Variants in PTPRT observed in about 807,000 individuals in gnomAD.
The protein encoded by PTPRT is protein tyrosine phosphatase receptor type T.
A neutral mutation model predicts 176.8 loss-of-function variants in PTPRT; 56 were observed. The observed-to-expected ratio is 0.32, with a 90% CI of 0.26 to 0.40. The LOEUF is 0.40. Among genes scored for constraint, PTPRT ranks in the 10% least tolerant of loss-of-function variants. The pLI is 1.00. For missense variants in PTPRT, 1,540 were observed against 1,908.2 expected, an observed-to-expected ratio of 0.81 and a Z score of 3.60; for synonymous variants, 783 against 739.0, an observed-to-expected ratio of 1.06 and a Z score of -0.96.
rs146534222 is a variant in PTPRT at position 42,484,870 on chromosome 20, C to A, written c.1154-12308G>T. Among the ~76,000 whole-genome samples, 317 of 152,310 alleles carry A rather than the reference C, an allele frequency of 2.1e-3. 2 individuals carry two copies. The highest frequency in any genetic ancestry group is 0.01 in the Middle Eastern group (3 of 294). On this transcript the variant is annotated intron_variant, in intron 7 of 30. Coordinates refer to ENST00000373187, the MANE Select transcript of PTPRT (RefSeq NM_007050.6). The stretch of plus-strand genomic sequence containing the variant: ...CCAGTATTCCACTCAGCCTAGGCAC[C>A]TCATGCCCAGAAATCTGATGTCCTC...
chr20:42,404,118 G>A (rs2058936419), intron 9 of PTPRT, among the ~76,000 whole-genome samples: 1 of 152,150 alleles, frequency 6.6e-6, no homozygotes, highest in Admixed American at 6.6e-5. Context: ...ATTCACCAAA[G>A]CTAATTCTTC....
rs1194960135 is a variant in PTPRT, at chr20:43,189,633, C to A, written c.88+13G>T. Reference sequence around the variant, plus strand: ...GAGCGGGGAGCCCAGGGGAGCCGGGCGGGCGCACTCACCTGCGGCGCTCTG... The same window carrying A: ...GAGCGGGGAGCCCAGGGGAGCCGGGAGGGCGCACTCACCTGCGGCGCTCTG... On this transcript the variant is annotated intron_variant, in intron 1 of 30. Transcript: ENST00000373187. The surrounding 1 kb of genome is among the most constrained non-coding windows in gnomAD (Gnocchi z 5.0). 8.0e-7 allele frequency: 1 copy of A among 1,247,930 alleles called. No homozygotes were observed. The highest frequency in any genetic ancestry group is 1.0e-6 in the Non-Finnish European group (1 of 996,202). 77.3% of individuals were successfully genotyped at this position (1,247,930 alleles called of 1,614,324 possible).
the PTPRT span, among the ~76,000 whole-genome samples, chr20:42,043,000 T>C: frequency 2.0e-5 from 3 of 152,372 alleles, no homozygotes; most frequent in East Asian, 5.8e-4. Flanking sequence ...GAGAGACTGA[T>C]GTGTGCCCTC....
At chr20:43,013,601 C>A (rs1041111418) in intron 1 of PTPRT, among the ~76,000 whole-genome samples, 3 of 152,116 alleles carry the variant, frequency 2.0e-5, no homozygotes, top group Non-Finnish European at 4.4e-5. Flanking sequence ...AGTCTGTGGA[C>A]CCTCTAGGGA....
At chr20:42,554,171 A>T (rs1311826778) in intron 7 of PTPRT, among the ~76,000 whole-genome samples, 1 of 152,030 alleles carries the variant, frequency 6.6e-6, no homozygotes, top group African/African-American at 2.4e-5. Flanking sequence ...CAACTGAGCA[A>T]TTCTCCCTCT....
chr20:42,133,790 G>A (rs1424568183), intron 18 of PTPRT, among the ~76,000 whole-genome samples: 1 of 152,182 alleles, frequency 6.6e-6, no homozygotes, highest in Non-Finnish European at 1.5e-5. Context: ...GTGGGAGGGA[G>A]TACATGGGAA....
intron 16 of PTPRT, among the ~76,000 whole-genome samples, chr20:42,187,809 C>T (rs1422901873): frequency 2.0e-5 from 3 of 152,214 alleles, no homozygotes; most frequent in African/African-American, 7.2e-5. Context: ...CCATTTATAG[C>T]CCACTGTTTT....
intron 1 of PTPRT, among the ~76,000 whole-genome samples, chr20:43,181,935 C>T (rs1003699609): frequency 3.3e-5 from 5 of 152,234 alleles, no homozygotes; most frequent in Admixed American, 3.3e-4. Flanking sequence ...CTTCCAATAG[C>T]CAAACTGATC....
At chr20:42,682,552 G>T (rs746482335) in intron 6 of PTPRT, among the ~76,000 whole-genome samples, 8 of 152,188 alleles carry the variant, frequency 5.3e-5, no homozygotes, top group Non-Finnish European at 1.0e-4. Context: ...GCAAAGCCAG[G>T]AGTAAGTGTT....
intron 5 of PTPRT, among the ~76,000 whole-genome samples, chr20:42,761,541 T>A (rs2076916025): frequency 6.6e-6 from 1 of 152,268 alleles, no homozygotes; most frequent in Admixed American, 6.5e-5. Context: ...AGGCCATTTT[T>A]GTTTTAACAA....
intron 16 of PTPRT, among the ~76,000 whole-genome samples, chr20:42,184,614 T>TCTCCTCCTCCTC (rs1555798026): frequency 7.0e-6 from 1 of 142,570 alleles, no homozygotes; most frequent in Admixed American, 7.0e-5. Context: ...TTCTTCTTCT[T>TCTCCTCCTCCTC]CTCCTCCTTC....
chr20:42,136,232 CTTTTT>C (rs397864699), intron 18 of PTPRT, among the ~76,000 whole-genome samples: 33 of 63,048 alleles, frequency 5.2e-4, no homozygotes, highest in African/African-American at 2.0e-3. Flanking sequence ...AAGAACAGTG[CTTTTT>C]TTTTTTTTTT....
chr20:42,220,680 AAT>A (rs1217792788), intron 15 of PTPRT, among the ~76,000 whole-genome samples: 1 of 96,592 alleles, frequency 1.0e-5, no homozygotes, highest in Non-Finnish European at 2.3e-5. Flanking sequence ...ACATTGTTTA[AAT>A]AAAGTTTTTT....
intron 2 of PTPRT, among the ~76,000 whole-genome samples, chr20:42,873,492 G>A (rs1371167992): frequency 6.6e-6 from 1 of 152,142 alleles, no homozygotes; most frequent in Non-Finnish European, 1.5e-5. Context: ...TAATCTAGGA[G>A]AGTATTGACC....
chr20:43,029,979 T>C (rs1304589905), intron 1 of PTPRT, among the ~76,000 whole-genome samples: 2 of 152,232 alleles, frequency 1.3e-5, no homozygotes, highest in Non-Finnish European at 2.9e-5. Flanking sequence ...ATATGCAGCA[T>C]AGATGAAAAA....
chr20:42,939,762 TTAA>T (rs1189975052), intron 1 of PTPRT, among the ~76,000 whole-genome samples: 6 of 152,176 alleles, frequency 3.9e-5, no homozygotes, highest in Non-Finnish European at 7.3e-5. Flanking sequence ...GATATTATTA[TTAA>T]TGATAGCATT....
At chr20:42,142,448 T>C (rs998040428) in intron 17 of PTPRT, among the ~76,000 whole-genome samples, 2 of 152,154 alleles carry the variant, frequency 1.3e-5, no homozygotes, top group African/African-American at 4.8e-5. Context: ...AAAAATGCTA[T>C]GATGAAAATA....
intron 7 of PTPRT, among the ~76,000 whole-genome samples, chr20:42,514,429 GC>G (rs201160396): frequency 6.7e-6 from 1 of 149,060 alleles, no homozygotes; most frequent in African/African-American, 2.4e-5. Context: ...CTTTGTTCAC[GC>G]TTTTCTTTTC....
chr20:43,131,632 G>A (rs2013650559), intron 1 of PTPRT, among the ~76,000 whole-genome samples: 1 of 152,118 alleles, frequency 6.6e-6, no homozygotes, highest in Non-Finnish European at 1.5e-5. Flanking sequence ...TGGATTCATA[G>A]GTGATTTATT....
Sources: gnomAD v4.1 joint callset for allele counts (sites outside exome capture counted in the v4.1 genomes callset) on GRCh38, gnomAD v4.1.1 for gene constraint, Gnocchi (gnomAD v3.1) non-coding constraint, MANE v1.5 for transcripts, NCBI Gene and HGNC (gene_info 2026-07-23, HGNC 2026-07-21) for gene names.